FER1L6: variants seen among roughly 807,000 people sequenced by gnomAD.
FER1L6 encodes the protein fer-1-like protein 6.
FER1L6 carries 177 observed loss-of-function variants against 219.2 expected under a neutral mutation model. That is an observed-to-expected ratio of 0.81 (90% CI 0.71 to 0.91). The LOEUF is 0.91. FER1L6 is among the 40% of genes least tolerant of loss of function. FER1L6 has a pLI of 0.00. For synonymous variants in FER1L6, 768 were observed against 824.3 expected (o/e 0.93, Z 1.17); for missense variants, 2,153 against 2,259.9 (o/e 0.95, Z 0.96).
Position 124,094,983 on chromosome 8 carries a change from C to A in FER1L6, c.4640C>A (p.Pro1547His). 1 of 1,614,098 alleles carries A rather than the reference C, an allele frequency of 6.2e-7. No individual in the cohort carries two copies. Among genetic ancestry groups the A allele is most frequent in the South Asian group, 1.1e-5 (1 of 91,076 alleles). ...CCGGAAGTCGGGTGTAGGCTGGTTC[C>A]TGAACACATAGAAACTCGGCCACTG... is the stretch of plus-strand genomic sequence containing the variant. ...DIPEVGCRLV[P>H]EHIETRPLYH... Residue 1547 changes from proline to histidine, a missense_variant, in exon 35 of 41, where the codon CCT (proline) becomes CAT (histidine). By Grantham distance (77) the Pro-to-His change is moderately conservative. Coordinates refer to ENST00000522917, the MANE Select transcript of FER1L6 (RefSeq NM_001039112.2).
chr8:124,049,732 C>T lies in FER1L6; in HGVS notation c.2850C>T (p.Leu950=), dbSNP rs1181977931. ...GTGGGAATCTCTCTGGAGGGGATCT[C>T]CTTGCTGTATTTGAACTGCTGCAGG... ...IFCGNLSGGD[L]LAVFELLQVP... Residue 950 remains leucine, a synonymous_variant, in exon 22 of 41, where the codon CTC becomes CTT. Coordinates refer to ENST00000522917, the MANE Select transcript of FER1L6 (RefSeq NM_001039112.2). 6.2e-7 allele frequency: 1 copy of T among 1,614,020 alleles called. No homozygotes were observed. Among genetic ancestry groups the T allele is most frequent in the Non-Finnish European group, 8.5e-7 (1 of 1,179,962 alleles).
chr8:124,050,612 T>G (rs1217940741), intron 22 of FER1L6, among the ~76,000 whole-genome samples: 3 of 152,174 alleles, frequency 2.0e-5, no homozygotes, highest in Non-Finnish European at 4.4e-5. Flanking sequence ...AGGCTGCTAT[T>G]ATATAATAGA....
intron 40 of FER1L6, 29 bp downstream of exon 40, chr8:124,118,973 G>A (rs1004871739): frequency 1.9e-6 from 3 of 1,568,430 alleles, no homozygotes; most frequent in Non-Finnish European, 2.6e-6. Flanking sequence ...GGGAACATCA[G>A]AAATGGGAAG....
intron 39 of FER1L6, 111 bp downstream of exon 39, chr8:124,103,420 C>T: frequency 9.4e-7 from 1 of 1,062,468 alleles, no homozygotes; most frequent in Non-Finnish European, 1.4e-6. Context: ...TGACATGAAC[C>T]CTTCATGCAG....
chr8:124,069,290 A>C (rs1820963657), intron 28 of FER1L6, 70 bp from the exon 29 acceptor site: 1 of 1,145,844 alleles, frequency 8.7e-7, no homozygotes, highest in Non-Finnish European at 1.3e-6. Flanking sequence ...AAAAGGAAAG[A>C]AGGAGCTTGG....
intron 1 of FER1L6, among the ~76,000 whole-genome samples, chr8:123,880,057 G>C (rs191536254): frequency 6.6e-6 from 1 of 152,212 alleles, no homozygotes; most frequent in Admixed American, 6.5e-5. Context: ...TCACTTTAAA[G>C]CTATTTGAAA....
chr8:123,931,646 T>C (rs1004062026), intron 1 of FER1L6, among the ~76,000 whole-genome samples: 1 of 152,198 alleles, frequency 6.6e-6, no homozygotes, highest in Non-Finnish European at 1.5e-5. Flanking sequence ...TTTTCAAGGA[T>C]GAGATTGAAC....
In FER1L6 at chr8:124,065,180, G is replaced by A. The variant is rs538226587; in HGVS notation, c.3555+607G>A. Reference sequence around the variant, plus strand: ...AGGCCGAGGTGAGTAGATCACTCGAGGCCAGGAGTTCAAGACCAGCCTGGC... The same window carrying A: ...AGGCCGAGGTGAGTAGATCACTCGAAGCCAGGAGTTCAAGACCAGCCTGGC... On this transcript the variant is annotated intron_variant, in intron 26 of 40. Coordinates refer to ENST00000522917, the MANE Select transcript of FER1L6 (RefSeq NM_001039112.2). Among the ~76,000 whole-genome samples the A allele has an allele frequency of 6.6e-5, 10 of 151,984 alleles. No individual in the cohort carries two copies. In the South Asian group the frequency reaches 1.9e-3, roughly 28 times the overall value.
At chr8:123,945,342 G>T (rs1358539399) in intron 1 of FER1L6, among the ~76,000 whole-genome samples, 5 of 152,154 alleles carry the variant, frequency 3.3e-5, no homozygotes, top group African/African-American at 1.2e-4. Context: ...AATTTATAAA[G>T]AACCTGAGCA....
intron 1 of FER1L6, among the ~76,000 whole-genome samples, chr8:123,935,536 GCCTTA>G (rs1377152347): frequency 6.6e-6 from 1 of 152,150 alleles, no homozygotes; most frequent in Non-Finnish European, 1.5e-5. Flanking sequence ...TTTTTGACTA[GCCTTA>G]TCCATCACTG....
chr8:123,932,957 G>A (rs1472536460), intron 1 of FER1L6, among the ~76,000 whole-genome samples: 4 of 152,202 alleles, frequency 2.6e-5, no homozygotes, highest in Non-Finnish European at 5.9e-5. Flanking sequence ...GGATGTGGCT[G>A]GGTTCTGGCC....
intron 1 of FER1L6, 29 bp from the exon 2 acceptor site, chr8:123,955,963 T>C (rs1223206053): frequency 3.2e-6 from 5 of 1,580,530 alleles, no homozygotes; most frequent in Admixed American, 1.8e-5. Flanking sequence ...TCAAAGTTTT[T>C]ATTGTTTCTT....
chr8:124,048,801 G>A (rs578032155), intron 21 of FER1L6, among the ~76,000 whole-genome samples: 11 of 152,360 alleles, frequency 7.2e-5, no homozygotes, highest in African/African-American at 2.6e-4. Flanking sequence ...GAACTAGACA[G>A]TGACAGATGT....
rs564786172 is a variant in FER1L6, at chr8:123,990,708, G to A, written c.1519+4532G>A. On this transcript the variant is annotated intron_variant, in intron 12 of 40. Coordinates refer to ENST00000522917, the MANE Select transcript of FER1L6 (RefSeq NM_001039112.2). The stretch of plus-strand genomic sequence containing the variant: ...TGATTATTTCTTTTGCTGTGTGGAA[G>A]CTTTTTAGTTTAATTAGGTCCCACT... Among the ~76,000 whole-genome samples, 3 of 152,230 alleles carry A rather than the reference G, an allele frequency of 2.0e-5. No individual in the cohort carries two copies. In the South Asian group the frequency reaches 6.2e-4, roughly 32 times the overall value.
chr8:124,026,102 A>G (rs553117541), intron 18 of FER1L6, among the ~76,000 whole-genome samples: 1 of 152,288 alleles, frequency 6.6e-6, no homozygotes, highest in Admixed American at 6.5e-5. Context: ...ATAGACATGT[A>G]TCTCTGGACA....
chr8:123,878,302 T>C (rs1342918036), intron 1 of FER1L6, among the ~76,000 whole-genome samples: 2 of 152,176 alleles, frequency 1.3e-5, no homozygotes, highest in Non-Finnish European at 2.9e-5. Context: ...TTTTTAACTC[T>C]TCCATGGCCA....
intron 1 of FER1L6, among the ~76,000 whole-genome samples, chr8:123,898,497 G>T (rs546228438): frequency 1.3e-4 from 19 of 151,508 alleles, no homozygotes; most frequent in Non-Finnish European, 2.4e-4. Flanking sequence ...CATCCTCATA[G>T]CTTAGCTCCC....
chr8:124,003,903 A>G (rs1937199856), intron 13 of FER1L6, among the ~76,000 whole-genome samples: 1 of 152,174 alleles, frequency 6.6e-6, no homozygotes. Flanking sequence ...GGGCAGAGCA[A>G]TGATGATGGT....
intron 1 of FER1L6, among the ~76,000 whole-genome samples, chr8:123,921,716 C>G (rs764654057): frequency 2.6e-5 from 4 of 152,040 alleles, no homozygotes; most frequent in Non-Finnish European, 5.9e-5. Context: ...CCAGACATGT[C>G]AACCGATGCA....
Sources: allele counts gnomAD v4.1 joint callset (sites outside exome capture counted in the v4.1 genomes callset), GRCh38; gene constraint gnomAD v4.1.1; transcripts MANE v1.5; gene names NCBI Gene and HGNC (gene_info 2026-07-23, HGNC 2026-07-21).